CCNJ: variants seen among roughly 807,000 people sequenced by gnomAD.
CCNJ encodes the protein cyclin J, also known as cyclin-J.
CCNJ carries 12 observed loss-of-function variants against 41.4 expected under a neutral mutation model. The ratio of observed to expected loss-of-function variants is 0.29; its 90% confidence interval spans 0.19 to 0.47. The LOEUF is 0.47. Among genes scored for constraint, CCNJ ranks in the 20% least tolerant of loss-of-function variants. CCNJ has a pLI of 1.00. For missense variants in CCNJ, 340 were observed against 464.6 expected, an observed-to-expected ratio of 0.73 and a Z score of 2.47; for synonymous variants, 161 against 173.4, an observed-to-expected ratio of 0.93 and a Z score of 0.56.
At chr10:96,043,494 C>A (rs1449451547), upstream of CCNJ, 4 of 390,070 alleles carry the variant, frequency 1.0e-5, no homozygotes, top group Non-Finnish European at 1.8e-5. Flanking sequence ...TCGGGGCGAC[C>A]CCGCTGTATC....
chr10:96,058,919 A>T lies in CCNJ; in HGVS notation c.*678A>T, dbSNP rs969275365. 3 of 156,360 alleles carry T rather than the reference A, an allele frequency of 1.9e-5. No individual in the cohort carries two copies. Among genetic ancestry groups the T allele is most frequent in the Non-Finnish European group, 2.8e-5 (2 of 70,776 alleles). The allele number at this position is 156,360 out of a possible 1,614,324, so 9.7% of individuals were successfully genotyped here. The stretch of plus-strand genomic sequence containing the variant: ...TAATTTTTCTTTTTTTCCCTAAGTG[A>T]TCAACATCAAATTTTTAGAATTAAA... On this transcript the variant is annotated 3_prime_UTR_variant, in exon 6 of 6. Transcript: ENST00000465148.
rs903185732 is a variant in CCNJ, at chr10:96,060,254, A to T, written c.*2013A>T. On this transcript the variant is annotated 3_prime_UTR_variant, in exon 6 of 6. Coordinates refer to ENST00000465148, the MANE Select transcript of CCNJ (RefSeq NM_001134375.2). Reference sequence around the variant, plus strand: ...ATGAATGTAAGATATTGGGATAGAGATCCCAACTTGAAACAACAGCCAGTG... The same window carrying T: ...ATGAATGTAAGATATTGGGATAGAGTTCCCAACTTGAAACAACAGCCAGTG... 3 of 152,656 alleles carry T rather than the reference A, an allele frequency of 2.0e-5. No individual in the cohort carries two copies. The highest frequency in any genetic ancestry group is 7.2e-5 in the African/African-American group (3 of 41,444). The allele number at this position is 152,656 out of a possible 1,614,324, so 9.5% of individuals were successfully genotyped here.
At chr10:96,050,192 G>A in intron 2 of CCNJ, 64 bp from the exon 3 acceptor site, 3 of 1,054,238 alleles carry the variant, frequency 2.8e-6, no homozygotes, top group East Asian at 2.4e-5. Flanking sequence ...ACAATGTTAA[G>A]TCATTGCCTT....
chr10:96,058,070 A>G lies in CCNJ; in HGVS notation c.981A>G (p.Thr327=), dbSNP rs777815737. ...ACACCTCATCTTACACACTACAGAC[A>G]TGTCCTGCTGGCTTCCAAACTAGTG... ...TTHTSSYTLQ[T]CPAGFQTSVQ... The change falls in exon 6 of 6, where the codon ACA becomes ACG. Residue 327 remains threonine, a synonymous_variant. Coordinates refer to ENST00000465148, the MANE Select transcript of CCNJ (RefSeq NM_001134375.2). 24 of 1,614,070 alleles carry G rather than the reference A, an allele frequency of 1.5e-5. No homozygotes were observed. The highest frequency in any genetic ancestry group is 6.7e-5 in the East Asian group (3 of 44,886).
intron 2 of CCNJ, among the ~76,000 whole-genome samples, chr10:96,046,028 C>T (rs1026192606): frequency 6.9e-6 from 1 of 144,570 alleles, no homozygotes; most frequent in African/African-American, 2.6e-5. Context: ...CATTTTAATT[C>T]GTGAGTGATT....
At chr10:96,043,205 G>A (rs1252247125), upstream of CCNJ, among the ~76,000 whole-genome samples, 1 of 152,238 alleles carries the variant, frequency 6.6e-6, no homozygotes, top group Non-Finnish European at 1.5e-5. Flanking sequence ...TGCTCCGCGG[G>A]CATCGAGGAG....
chr10:96,047,386 C>A (rs2080393917), intron 2 of CCNJ, among the ~76,000 whole-genome samples: 1 of 152,148 alleles, frequency 6.6e-6, no homozygotes, highest in Non-Finnish European at 1.5e-5. Flanking sequence ...GTGGCTCACA[C>A]CTGTAATCTC....
chr10:96,044,393 C>A lies in CCNJ; in HGVS notation c.-1C>A, dbSNP rs780005420. 6.5e-7 allele frequency: 1 copy of A among 1,536,932 alleles called. No individual in the cohort carries two copies. The highest frequency in any genetic ancestry group is 1.2e-5 in the South Asian group (1 of 82,562). ...TCGGGCTGGGCGCGCCGCCGGGTCC[C>A]ATGGAGCTGGAGGGGCAGTGGTGGC... On this transcript the variant is annotated 5_prime_UTR_variant, in exon 2 of 6. Coordinates refer to ENST00000465148, the MANE Select transcript of CCNJ (RefSeq NM_001134375.2).
At chr10:96,050,148 T>C in intron 2 of CCNJ, 108 bp from the exon 3 acceptor site, 1 of 764,048 alleles carries the variant, frequency 1.3e-6, no homozygotes, top group African/African-American at 1.7e-5. Flanking sequence ...GAAAAGTATG[T>C]TTTAGGCACT....
intron 2 of CCNJ, among the ~76,000 whole-genome samples, chr10:96,046,615 G>A (rs920114644): frequency 1.1e-4 from 17 of 152,116 alleles, no homozygotes; most frequent in Non-Finnish European, 2.9e-5. Flanking sequence ...CCACATTTAG[G>A]TCTTCCTTTG....
chr10:96,050,205 G>A, intron 2 of CCNJ, 51 bp from the exon 3 acceptor site: 1 of 1,175,342 alleles, frequency 8.5e-7, no homozygotes, highest in Non-Finnish European at 1.3e-6. Flanking sequence ...ATTGCCTTGT[G>A]GGGATACGCC....
At chr10:96,057,714 T>C in intron 5 of CCNJ, 116 bp from the exon 6 acceptor site, 1 of 855,552 alleles carries the variant, frequency 1.2e-6, no homozygotes, top group Non-Finnish European at 1.8e-6. Flanking sequence ...GTGCAGTGAC[T>C]GCTACCTGGG....
intron 3 of CCNJ, among the ~76,000 whole-genome samples, chr10:96,054,331 C>A (rs2080617805): frequency 6.6e-6 from 1 of 152,084 alleles, no homozygotes; most frequent in Admixed American, 6.5e-5. Flanking sequence ...TAGCAGTGAG[C>A]ACAACAAAAA....
chr10:96,047,223 A>C (rs2080388163), intron 2 of CCNJ, among the ~76,000 whole-genome samples: 2 of 152,210 alleles, frequency 1.3e-5, no homozygotes, highest in African/African-American at 4.8e-5. Context: ...AATAAATGTC[A>C]CATGGTGGCA....
chr10:96,044,525 G>A, intron 2 of CCNJ, 63 bp downstream of exon 2: 1 of 1,323,568 alleles, frequency 7.6e-7, no homozygotes, highest in Non-Finnish European at 1.0e-6. Context: ...CTGAATCTCG[G>A]CTCTCTAGAA....
At position 96,046,000 on chromosome 10, in the gene CCNJ, A is replaced by G. The variant is rs111839071; in HGVS notation, c.69+1538A>G. Among the ~76,000 whole-genome samples the G allele has an allele frequency of 6.8e-3, 1,035 of 152,264 alleles. 15 individuals carry two copies. The highest frequency in any genetic ancestry group is 0.022 in the African/African-American group (923 of 41,554). On this transcript the variant is annotated intron_variant, in intron 2 of 5. Transcript: ENST00000465148. Reference sequence around the variant, plus strand: ...TTCTTGGTGATTTCCATACTTTTCAATCATTTTATGTGTAGATCATTTTAA... The same window carrying G: ...TTCTTGGTGATTTCCATACTTTTCAGTCATTTTATGTGTAGATCATTTTAA...
chr10:96,049,481 CT>C (rs150769179), intron 2 of CCNJ, among the ~76,000 whole-genome samples: 38,301 of 108,288 alleles, frequency 0.35, 4,600 homozygotes, highest in East Asian at 0.54. Flanking sequence ...TTTTCTTTTT[CT>C]TTTTTTTTTT....
At chr10:96,047,807 G>A (rs889847068) in intron 2 of CCNJ, among the ~76,000 whole-genome samples, 11 of 151,952 alleles carry the variant, frequency 7.2e-5, no homozygotes, top group East Asian at 1.9e-4. Context: ...TCAGGGGTAC[G>A]TGTGCAGGAT....
At chr10:96,055,761 G>C (rs1452386016) in intron 3 of CCNJ, among the ~76,000 whole-genome samples, 2 of 152,148 alleles carry the variant, frequency 1.3e-5, no homozygotes, top group Admixed American at 6.5e-5. Context: ...CTTTCAGTAA[G>C]GGAATTTAAA....
Sources: gnomAD v4.1 joint callset for allele counts (sites outside exome capture counted in the v4.1 genomes callset) on GRCh38, gnomAD v4.1.1 for gene constraint, MANE v1.5 for transcripts, NCBI Gene and HGNC (gene_info 2026-07-23, HGNC 2026-07-21) for gene names.